NCAM1: variants seen among roughly 807,000 people sequenced by gnomAD.
NCAM1 encodes the protein antigen recognized by monoclonal antibody 5.1H11.
In NCAM1, 14 loss-of-function variants were observed where a neutral mutation model predicts 109.8. The ratio of observed to expected loss-of-function variants is 0.13; its 90% CI spans 0.08 to 0.20. The LOEUF is 0.20. Among genes scored for constraint, NCAM1 ranks in the 10% least tolerant of loss-of-function variants. NCAM1 has a pLI of 1.00. For synonymous variants in NCAM1, 418 were observed against 442.9 expected (o/e 0.94, Z 0.70); for missense variants, 774 against 1,109.9 (o/e 0.70, Z 4.30).
rs571617803 is a variant in NCAM1 at position 113,226,781 on chromosome 11, C to G, written c.1090-4864C>G. 4.5e-4 allele frequency among the ~76,000 whole-genome samples: 68 copies of G among 152,342 alleles called. No homozygotes were observed. In the South Asian group the frequency reaches 5.4e-3, roughly 12 times the overall value. On this transcript the variant is annotated intron_variant, in intron 9 of 19. Transcript: ENST00000316851. ...AGAACTCAAGATTAAGAAACTCACT[C>G]AAAACCGCTCAACTACATGGAAACT...
chr11:113,008,741 A>G (rs1951954780), intron 1 of NCAM1, among the ~76,000 whole-genome samples: 1 of 152,226 alleles, frequency 6.6e-6, no homozygotes, highest in Admixed American at 6.5e-5. Flanking sequence ...TCAGTAAGTT[A>G]AAAGTCAGAA....
rs1446946101 is a variant in NCAM1, at chr11:113,274,421, G to A, written c.2457-846G>A. Among the ~76,000 whole-genome samples, 1 of 152,194 alleles carries A rather than the reference G, an allele frequency of 6.6e-6. No individual in the cohort carries two copies. Among genetic ancestry groups the A allele is most frequent in the African/African-American group, 2.4e-5 (1 of 41,446 alleles). ...TTCAGTGGCACCAGCTGAGGCTGGG[G>A]TCTGTGCCTGTCCCCATGCATCCTC... On this transcript the variant is annotated intron_variant, in intron 19 of 19. Coordinates refer to ENST00000316851, the MANE Select transcript of NCAM1 (RefSeq NM_181351.5). This position sits in a 1 kb window ranked among gnomAD's most constrained non-coding sequence, Gnocchi z 4.1.
intron 9 of NCAM1, among the ~76,000 whole-genome samples, chr11:113,227,563 T>A (rs1243723386): frequency 6.6e-6 from 1 of 152,202 alleles, no homozygotes; most frequent in Non-Finnish European, 1.5e-5. Flanking sequence ...AAAGAGGGAA[T>A]CTTCTCTAAC....
At chr11:113,259,207 A>G (rs1216471247) in intron 16 of NCAM1, among the ~76,000 whole-genome samples, 7 of 151,316 alleles carry the variant, frequency 4.6e-5, no homozygotes, top group Non-Finnish European at 1.0e-4. Flanking sequence ...GCCCGCCACT[A>G]CGCCCGGCTA....
chr11:113,015,209 G>A (rs1374824099), intron 1 of NCAM1, among the ~76,000 whole-genome samples: 3 of 152,098 alleles, frequency 2.0e-5, no homozygotes, highest in African/African-American at 7.2e-5. Flanking sequence ...CAGGCTTATG[G>A]CCCAGATTGT....
At chr11:113,171,688 T>C (rs1323561831) in intron 1 of NCAM1, among the ~76,000 whole-genome samples, 2 of 151,912 alleles carry the variant, frequency 1.3e-5, no homozygotes, top group African/African-American at 2.4e-5. Context: ...AGATAACTTA[T>C]TGCCCTCTTG....
chr11:113,263,432 G>T, intron 17 of NCAM1: 2 of 988,712 alleles, frequency 2.0e-6, no homozygotes, highest in Non-Finnish European at 2.4e-6. Flanking sequence ...TGTTAAAAGA[G>T]CCAGACCGCA....
chr11:113,187,560 T>C (rs1943549335), intron 1 of NCAM1, among the ~76,000 whole-genome samples: 1 of 113,524 alleles, frequency 8.8e-6, no homozygotes, highest in Admixed American at 1.1e-4. Context: ...TGTGTGTGTG[T>C]TTCTGTGTGT....
At chr11:113,263,512 A>G (rs1268535263) in intron 17 of NCAM1, 2 of 985,650 alleles carry the variant, frequency 2.0e-6, no homozygotes, top group East Asian at 1.1e-4. Flanking sequence ...TGCACTGGAA[A>G]AAAAGTTGAA....
At chr11:112,969,545 T>C (rs1555066407) in intron 1 of NCAM1, among the ~76,000 whole-genome samples, 2 of 152,132 alleles carry the variant, frequency 1.3e-5, no homozygotes, top group East Asian at 1.9e-4. Context: ...CCTGCCATTC[T>C]GCAAGTTGCT....
At chr11:113,160,627 A>C (rs1485798523) in intron 1 of NCAM1, among the ~76,000 whole-genome samples, 1 of 152,236 alleles carries the variant, frequency 6.6e-6, no homozygotes, top group Non-Finnish European at 1.5e-5. Flanking sequence ...CCCACTTGGC[A>C]TTCGGCACTT....
chr11:113,134,048 G>A (rs995335193), intron 1 of NCAM1: 3 of 150,916 alleles, frequency 2.0e-5, no homozygotes, highest in South Asian at 4.2e-4. Context: ...CTTCAGTAGC[G>A]TTAAGTATTT....
chr11:113,117,336 T>C (rs967670419), intron 1 of NCAM1, among the ~76,000 whole-genome samples: 1 of 152,000 alleles, frequency 6.6e-6, no homozygotes, highest in Non-Finnish European at 1.5e-5. Flanking sequence ...CATGGTTTAA[T>C]AATGTCATGT....
At chr11:113,050,636 A>T (rs1555081670) in intron 1 of NCAM1, among the ~76,000 whole-genome samples, 1 of 142,250 alleles carries the variant, frequency 7.0e-6, no homozygotes, top group Non-Finnish European at 1.5e-5. Context: ...AAAAAAATAC[A>T]CAAAATTCAA....
At chr11:113,028,418 A>G (rs1698045384) in intron 1 of NCAM1, among the ~76,000 whole-genome samples, 1 of 152,176 alleles carries the variant, frequency 6.6e-6, no homozygotes, top group Non-Finnish European at 1.5e-5. Context: ...TCACACCTGT[A>G]TAAAAGACAT....
At chr11:113,045,843 A>AG (rs148129585) in intron 1 of NCAM1, among the ~76,000 whole-genome samples, 1,610 of 150,698 alleles carry the variant, frequency 0.011, 26 homozygotes, top group African/African-American at 0.035. Context: ...TGGATAAAAG[A>AG]GTTTTTTTTT....
intron 1 of NCAM1, among the ~76,000 whole-genome samples, chr11:112,968,897 T>C (rs1223738110): frequency 6.6e-6 from 1 of 152,196 alleles, no homozygotes; most frequent in Non-Finnish European, 1.5e-5. Flanking sequence ...AACAAACCTT[T>C]GTGAAGTCTG....
intron 1 of NCAM1, among the ~76,000 whole-genome samples, chr11:113,123,789 C>T (rs903588970): frequency 3.9e-5 from 6 of 152,212 alleles, no homozygotes; most frequent in African/African-American, 7.2e-5. Context: ...CAGCCCACAG[C>T]CTTTCCTTCC....
chr11:113,088,497 A>T (rs79774280), intron 1 of NCAM1, among the ~76,000 whole-genome samples: 7,771 of 151,652 alleles, frequency 0.051, 581 homozygotes, highest in Admixed American at 0.17. Context: ...CTGACCATGT[A>T]TCCCCGCTGC....
Sources: gnomAD v4.1 joint callset for allele counts (sites outside exome capture counted in the v4.1 genomes callset) on GRCh38, gnomAD v4.1.1 for gene constraint, Gnocchi (gnomAD v3.1) non-coding constraint, MANE v1.5 for transcripts, NCBI Gene and HGNC (gene_info 2026-07-23, HGNC 2026-07-21) for gene names.